The following TGFBR3 variants were observed in gnomAD, a reference collection of about 807,000 sequenced individuals.
TGFBR3 encodes the protein transforming growth factor beta receptor 3, also known as transforming growth factor beta receptor type 3.
A neutral mutation model predicts 87.9 loss-of-function variants in TGFBR3; 46 were observed. That is an observed-to-expected ratio of 0.52 (90% CI 0.41 to 0.67). TGFBR3 has a LOEUF of 0.67. TGFBR3 is among the 30% of genes least tolerant of loss of function. TGFBR3 has a pLI of 0.00. For missense variants in TGFBR3, 866 were observed against 1,041.9 expected (o/e 0.83, Z 2.32); for synonymous variants, 381 against 391.6 (o/e 0.97, Z 0.32).
intron 3 of TGFBR3, among the ~76,000 whole-genome samples, chr1:91,784,131 A>G (rs1291989153): frequency 6.6e-6 from 1 of 152,248 alleles, no homozygotes; most frequent in Non-Finnish European, 1.5e-5. Context: ...GGCTAGGGAA[A>G]AGACTGAACA....
intron 3 of TGFBR3, among the ~76,000 whole-genome samples, chr1:91,782,709 G>C (rs1282078172): frequency 3.3e-5 from 5 of 151,474 alleles, no homozygotes; most frequent in African/African-American, 1.2e-4. Context: ...AGACCCCAGG[G>C]GCATGGCGAG....
intron 2 of TGFBR3, among the ~76,000 whole-genome samples, chr1:91,896,920 CTT>C (rs11390038): frequency 1.4e-5 from 2 of 142,842 alleles, no homozygotes; most frequent in East Asian, 2.0e-4. Context: ...TTTTTCTTTT[CTT>C]TTTTTTTTTT....
chr1:91,886,184 T>G, upstream of TGFBR3: 1 of 453,426 alleles, frequency 2.2e-6, no homozygotes, highest in South Asian at 1.6e-5. Flanking sequence ...GCACTCGCCC[T>G]CCCTCGCACA....
At chr1:91,800,228 CAAAAAA>C (rs148518308) in intron 2 of TGFBR3, among the ~76,000 whole-genome samples, 8 of 114,322 alleles carry the variant, frequency 7.0e-5, no homozygotes, top group South Asian at 2.7e-4. Flanking sequence ...CCCATCTCTA[CAAAAAA>C]AAAAAAAATA....
intron 3 of TGFBR3, among the ~76,000 whole-genome samples, chr1:91,774,052 T>C (rs1674478132): frequency 6.6e-6 from 1 of 152,164 alleles, no homozygotes; most frequent in African/African-American, 2.4e-5. Context: ...AAACCATGAT[T>C]TACAGTGCAT....
At position 91,784,751 on chromosome 1, in the gene TGFBR3, A is replaced by G. The variant is rs371872473; in HGVS notation, c.246+12536T>C. On this transcript the variant is annotated intron_variant, in intron 3 of 16. Transcript: ENST00000212355. Reference sequence around the variant, plus strand: ...GGTAAGCCCAGGGGGAGGCTCAGGAATCTATACATCAAGGGATCCGATGCA... The same window carrying G: ...GGTAAGCCCAGGGGGAGGCTCAGGAGTCTATACATCAAGGGATCCGATGCA... Among the ~76,000 whole-genome samples, 4 of 152,156 alleles carry G rather than the reference A, an allele frequency of 2.6e-5. No homozygotes were observed. The South Asian group carries it at 6.2e-4, about 24-fold the overall frequency.
At chr1:91,838,625 AT>A (rs71311981) in intron 2 of TGFBR3, among the ~76,000 whole-genome samples, 16,892 of 140,452 alleles carry the variant, frequency 0.12, 1,225 homozygotes, top group East Asian at 0.38. Flanking sequence ...CACCCGACTA[AT>A]TTTTTTTTTT....
At chr1:91,860,342 T>C (rs1196756517) in intron 2 of TGFBR3, among the ~76,000 whole-genome samples, 3 of 152,250 alleles carry the variant, frequency 2.0e-5, no homozygotes, top group African/African-American at 4.8e-5. Context: ...CTCATCTGTA[T>C]GTGCAATTCA....
intron 1 of TGFBR3, among the ~76,000 whole-genome samples, chr1:91,883,582 CT>C (rs1165253760): frequency 6.6e-6 from 1 of 152,168 alleles, no homozygotes; most frequent in African/African-American, 2.4e-5. Flanking sequence ...TATGCTCCCC[CT>C]ATTGACTAAT....
chr1:91,692,011 GA>G (rs1295814006), intron 16 of TGFBR3, among the ~76,000 whole-genome samples: 5 of 150,988 alleles, frequency 3.3e-5, no homozygotes, highest in African/African-American at 1.2e-4. Flanking sequence ...ACAAAAAAAA[GA>G]AAAAAAAGAA....
chr1:91,793,531 G>A (rs532561725), intron 3 of TGFBR3, among the ~76,000 whole-genome samples: 1 of 152,266 alleles, frequency 6.6e-6, no homozygotes, highest in Middle Eastern at 3.4e-3. Context: ...GAGGCCAGGT[G>A]AGGTGGCTCA....
chr1:91,784,618 G>A, intron 3 of TGFBR3, among the ~76,000 whole-genome samples: 1 of 152,336 alleles, frequency 6.6e-6, no homozygotes, highest in East Asian at 1.9e-4. Context: ...AGGGTTTGGT[G>A]AAGAGCTAAG....
Position 91,766,840 on chromosome 1 carries a change from C to T in TGFBR3, c.247-8090G>A, listed in dbSNP as rs375938907. Among the ~76,000 whole-genome samples, 11 of 133,122 alleles carry T rather than the reference C, an allele frequency of 8.3e-5. No homozygotes were observed. The East Asian group carries it at 1.2e-3, about 14-fold the overall frequency. 87.3% of individuals were successfully genotyped at this position (133,122 alleles called of 152,430 possible). ...ATTCCAACGGGACAGCTGACACCAA[C>T]CAGTTTAAAGACTCCCACAAAGGAA... On this transcript the variant is annotated intron_variant, in intron 3 of 16. Coordinates refer to ENST00000212355, the MANE Select transcript of TGFBR3 (RefSeq NM_003243.5).
chr1:91,881,546 G>A (rs574828955), intron 1 of TGFBR3, among the ~76,000 whole-genome samples: 1 of 152,172 alleles, frequency 6.6e-6, no homozygotes, highest in South Asian at 2.1e-4. Context: ...GGAGTAGGAG[G>A]TTATAAGTGT....
At chr1:91,837,219 A>T (rs969979074) in intron 2 of TGFBR3, among the ~76,000 whole-genome samples, 1 of 122,666 alleles carries the variant, frequency 8.2e-6, no homozygotes, top group African/African-American at 3.0e-5. Context: ...ATAAGTAAGG[A>T]TATTATTTAT....
At position 91,806,316 on chromosome 1, in the gene TGFBR3, C is replaced by A. The variant is rs1019670260; in HGVS notation, c.62-8845G>T. ...CAGCATTCCAATCTCAGTTACAGAA[C>A]CCCCACATCCCTGCTGGCGGTGGGC... On this transcript the variant is annotated intron_variant, in intron 2 of 16. Coordinates refer to ENST00000212355, the MANE Select transcript of TGFBR3 (RefSeq NM_003243.5). 2.0e-5 allele frequency among the ~76,000 whole-genome samples: 3 copies of A among 152,304 alleles called. No homozygotes were observed. In the East Asian group the frequency reaches 5.8e-4, roughly 29 times the overall value.
At chr1:91,866,462 T>C (rs1158476243) in intron 1 of TGFBR3, among the ~76,000 whole-genome samples, 2 of 152,196 alleles carry the variant, frequency 1.3e-5, no homozygotes, top group Admixed American at 6.5e-5. Context: ...TACTGCTATA[T>C]GCCAGGCACT....
chr1:91,876,131 C>T (rs1678798950), intron 1 of TGFBR3, among the ~76,000 whole-genome samples: 1 of 151,868 alleles, frequency 6.6e-6, no homozygotes, highest in Admixed American at 6.6e-5. Flanking sequence ...GCGTGGGAGC[C>T]AGCAGCAGGC....
chr1:91,709,843 C>T (rs1671920730), intron 13 of TGFBR3, among the ~76,000 whole-genome samples: 1 of 152,156 alleles, frequency 6.6e-6, no homozygotes, highest in South Asian at 2.1e-4. Context: ...CTCACTGCAG[C>T]CTTGGCCTCA....
Sources: allele counts gnomAD v4.1 joint callset (sites outside exome capture counted in the v4.1 genomes callset), GRCh38; gene constraint gnomAD v4.1.1; transcripts MANE v1.5; gene names NCBI Gene and HGNC (gene_info 2026-07-23, HGNC 2026-07-21).